Variants in CCDC192 observed in about 807,000 individuals in gnomAD.
CCDC192 encodes coiled-coil domain-containing protein 192.
At chr5:127,862,732 A>G (rs1049500956) in intron 5 of CCDC192, among the ~76,000 whole-genome samples, 1 of 152,194 alleles carries the variant, frequency 6.6e-6, no homozygotes, top group Admixed American at 6.5e-5. Context: ...TTCTTTTCTA[A>G]CAGCCCCTGA....
At chr5:127,725,156 C>T (rs951919541) in intron 2 of CCDC192, among the ~76,000 whole-genome samples, 1 of 152,058 alleles carries the variant, frequency 6.6e-6, no homozygotes, top group African/African-American at 2.4e-5. Flanking sequence ...AAGAGGAAAG[C>T]CCAAATTCTT....
intron 2 of CCDC192, among the ~76,000 whole-genome samples, chr5:127,740,901 C>T (rs1462599983): frequency 6.6e-6 from 1 of 152,076 alleles, no homozygotes; most frequent in African/African-American, 2.4e-5. Context: ...CCAAAGTACT[C>T]AAAATCTAAA....
intron 6 of CCDC192, among the ~76,000 whole-genome samples, chr5:127,907,054 C>T (rs763294587): frequency 3.3e-5 from 5 of 151,598 alleles, no homozygotes; most frequent in Non-Finnish European, 5.9e-5. Context: ...TTTTTTTTCA[C>T]GATAGCCATC....
chr5:127,925,432 G>A (rs1322587886), intron 6 of CCDC192, among the ~76,000 whole-genome samples: 2 of 152,152 alleles, frequency 1.3e-5, no homozygotes, highest in Non-Finnish European at 1.5e-5. Context: ...TGAAAGACGA[G>A]TATTCCACAA....
chr5:127,840,122 T>C (rs1230239219), intron 5 of CCDC192, among the ~76,000 whole-genome samples: 2 of 152,120 alleles, frequency 1.3e-5, no homozygotes, highest in Non-Finnish European at 2.9e-5. Context: ...GTGGCTGTCA[T>C]GAAAACCTGA....
chr5:127,810,370 G>A (rs1244305991), intron 5 of CCDC192, among the ~76,000 whole-genome samples: 1 of 152,172 alleles, frequency 6.6e-6, no homozygotes, highest in Non-Finnish European at 1.5e-5. Context: ...AGAGATTGTT[G>A]AGGTGTGGGC....
At chr5:127,770,435 A>G (rs1176068683) in intron 3 of CCDC192, among the ~76,000 whole-genome samples, 1 of 152,234 alleles carries the variant, frequency 6.6e-6, no homozygotes, top group Non-Finnish European at 1.5e-5. Flanking sequence ...AAGCTCTCAG[A>G]GGTCAGAAAC....
chr5:127,728,493 T>G (rs952340308), intron 2 of CCDC192, among the ~76,000 whole-genome samples: 1 of 152,186 alleles, frequency 6.6e-6, no homozygotes, highest in Non-Finnish European at 1.5e-5. Flanking sequence ...GACAAGCAAA[T>G]GCTGAGGGAA....
chr5:127,726,264 GAAAC>G (rs1238269026), intron 2 of CCDC192, among the ~76,000 whole-genome samples: 1 of 152,032 alleles, frequency 6.6e-6, no homozygotes, highest in Non-Finnish European at 1.5e-5. Context: ...CTCAAAAAAA[GAAAC>G]AAAACTATAA....
At chr5:127,772,146 T>G (rs1243937016) in intron 3 of CCDC192, among the ~76,000 whole-genome samples, 3 of 152,068 alleles carry the variant, frequency 2.0e-5, no homozygotes, top group Non-Finnish European at 4.4e-5. Context: ...GTTTCACAGT[T>G]GGTTAATTCA....
intron 6 of CCDC192, among the ~76,000 whole-genome samples, chr5:127,901,900 T>A (rs1400806508): frequency 6.6e-6 from 1 of 152,220 alleles, no homozygotes; most frequent in African/African-American, 2.4e-5. Flanking sequence ...GGATCCCAAA[T>A]AAATCCCAAG....
At chr5:127,867,646 T>C (rs1024606003) in intron 5 of CCDC192, among the ~76,000 whole-genome samples, 1 of 152,244 alleles carries the variant, frequency 6.6e-6, no homozygotes, top group African/African-American at 2.4e-5. Flanking sequence ...AGTGCACTTC[T>C]CTGTCTGTTC....
chr5:127,863,104 G>GT (rs1259558893), intron 5 of CCDC192, among the ~76,000 whole-genome samples: 1 of 152,084 alleles, frequency 6.6e-6, no homozygotes, highest in African/African-American at 2.4e-5. Context: ...AAAACAAAAA[G>GT]TAAGTATTTT....
chr5:127,719,075 A>G (rs1442210597), intron 2 of CCDC192, among the ~76,000 whole-genome samples: 1 of 152,068 alleles, frequency 6.6e-6, no homozygotes, highest in Non-Finnish European at 1.5e-5. Flanking sequence ...TCTGTTAGCC[A>G]TCCTTCCACT....
At chr5:127,800,405 C>G (rs60141677) in intron 5 of CCDC192, among the ~76,000 whole-genome samples, 1 of 93,454 alleles carries the variant, frequency 1.1e-5, no homozygotes, top group African/African-American at 4.5e-5. Context: ...AAAAAAACAA[C>G]AACAACAAAA....
At chr5:127,777,089 G>T (rs1755909072) in intron 3 of CCDC192, among the ~76,000 whole-genome samples, 1 of 152,180 alleles carries the variant, frequency 6.6e-6, no homozygotes, top group South Asian at 2.1e-4. Context: ...CTGAGTGGTA[G>T]ATCCACTGAC....
chr5:127,924,204 T>C (rs1355251071), intron 6 of CCDC192, among the ~76,000 whole-genome samples: 2 of 152,274 alleles, frequency 1.3e-5, no homozygotes, highest in Admixed American at 1.3e-4. Flanking sequence ...TATCATTTGA[T>C]GGTTTAAGTG....
At chr5:127,712,412 A>G (rs887486211) in intron 2 of CCDC192, among the ~76,000 whole-genome samples, 5 of 152,160 alleles carry the variant, frequency 3.3e-5, no homozygotes, top group African/African-American at 1.2e-4. Context: ...TGTTAAAAAG[A>G]GTCTGACACC....
At chr5:127,903,614 G>A (rs932661983) in intron 6 of CCDC192, among the ~76,000 whole-genome samples, 4 of 152,190 alleles carry the variant, frequency 2.6e-5, no homozygotes, top group African/African-American at 9.7e-5. Context: ...TCTGGTTCAT[G>A]CAGGCATGAG....
Sources: allele counts gnomAD v4.1 joint callset (sites outside exome capture counted in the v4.1 genomes callset), GRCh38; gene constraint gnomAD v4.1.1; transcripts MANE v1.5; gene names NCBI Gene and HGNC (gene_info 2026-07-23, HGNC 2026-07-21).